The following AOPEP variants were observed in gnomAD, a reference collection of about 807,000 sequenced individuals.
AOPEP encodes the protein aminopeptidase O.
In AOPEP, 77 loss-of-function variants were observed where a neutral mutation model predicts 98.1. That is an observed-to-expected ratio of 0.78 (90% CI 0.65 to 0.95). The LOEUF (loss-of-function observed/expected upper bound fraction) is 0.95. Among genes scored for constraint, AOPEP ranks in the 40% least tolerant of loss-of-function variants. The pLI, the probability that AOPEP is intolerant of heterozygous loss-of-function variation, is 0.00. For synonymous variants in AOPEP, 346 were observed against 365.3 expected, an observed-to-expected ratio of 0.95 and a Z score of 0.60; for missense variants, 1,024 against 1,024.7, an observed-to-expected ratio of 1.00 and a Z score of 0.01.
chr9:95,082,503 C>G, intron 15 of AOPEP, 72 bp from the exon 16 acceptor site: 2 of 1,523,702 alleles, frequency 1.3e-6, no homozygotes, highest in Non-Finnish European at 1.8e-6. Flanking sequence ...CAAGCACAGA[C>G]TGAGCTCATG....
intron 1 of AOPEP, among the ~76,000 whole-genome samples, chr9:94,743,909 C>G (rs929796610): frequency 3.3e-5 from 5 of 152,128 alleles, no homozygotes; most frequent in African/African-American, 1.2e-4. Flanking sequence ...CAGAGTTAAG[C>G]GAGCAGGGAC....
intron 1 of AOPEP, among the ~76,000 whole-genome samples, chr9:94,747,720 A>T (rs1353467294): frequency 6.6e-6 from 1 of 152,232 alleles, no homozygotes; most frequent in African/African-American, 2.4e-5. Flanking sequence ...TAAGGGTACC[A>T]GGAACAATTT....
At chr9:95,123,377 C>T in the AOPEP span, 7 of 411,058 alleles carry the variant, frequency 1.7e-5, no homozygotes, top group South Asian at 1.3e-4. Flanking sequence ...TGGTGGCTCA[C>T]ACCTGTAACC....
the AOPEP span, among the ~76,000 whole-genome samples, chr9:95,116,373 G>GTGT: frequency 6.6e-6 from 1 of 152,236 alleles, no homozygotes; most frequent in South Asian, 2.1e-4. Flanking sequence ...TGAGAAGACA[G>GTGT]TGTTAGGGGA....
At chr9:94,883,924 G>A (rs1377761763) in intron 5 of AOPEP, among the ~76,000 whole-genome samples, 1 of 152,136 alleles carries the variant, frequency 6.6e-6, no homozygotes, top group Non-Finnish European at 1.5e-5. Flanking sequence ...CTCCATCCCC[G>A]TCAATATTCT....
intron 4 of AOPEP, among the ~76,000 whole-genome samples, chr9:94,799,401 C>T (rs1432021030): frequency 6.8e-6 from 1 of 146,090 alleles, no homozygotes; most frequent in Admixed American, 6.9e-5. Context: ...GACCCCATCT[C>T]TTAAAAAAAA....
chr9:95,128,382 G>C, the AOPEP span, among the ~76,000 whole-genome samples: 1 of 152,232 alleles, frequency 6.6e-6, no homozygotes, highest in Non-Finnish European at 1.5e-5. Flanking sequence ...AGACAGATAA[G>C]AGCTTGGAAA....
At chr9:94,780,909 A>C (rs1053838288) in intron 3 of AOPEP, among the ~76,000 whole-genome samples, 2 of 152,234 alleles carry the variant, frequency 1.3e-5, no homozygotes, top group African/African-American at 4.8e-5. Flanking sequence ...ACCTGGGAGC[A>C]GATAACAGCA....
chr9:94,749,701 G>T (rs966765216), intron 1 of AOPEP, among the ~76,000 whole-genome samples: 1 of 152,030 alleles, frequency 6.6e-6, no homozygotes, highest in African/African-American at 2.4e-5. Flanking sequence ...TTCAGTTCTA[G>T]AATTTTCTTT....
the AOPEP span, chr9:95,111,759 C>T: frequency 9.2e-7 from 1 of 1,086,626 alleles, no homozygotes; most frequent in Non-Finnish European, 1.4e-6. Flanking sequence ...TGAAGTGCAA[C>T]CTGCAAGGAA....
At chr9:95,003,956 A>G (rs1163643199) in intron 11 of AOPEP, 5 of 207,262 alleles carry the variant, frequency 2.4e-5, no homozygotes, top group Non-Finnish European at 5.0e-5. Context: ...GAAGGGATAA[A>G]TTCCTGATGT....
At chr9:94,762,306 G>T (rs1838512600) in intron 2 of AOPEP, among the ~76,000 whole-genome samples, 1 of 152,140 alleles carries the variant, frequency 6.6e-6, no homozygotes. Flanking sequence ...AATTAGCTGG[G>T]CATGGTGGTG....
chr9:95,052,593 A>G (rs1465727337), intron 13 of AOPEP, among the ~76,000 whole-genome samples: 1 of 152,212 alleles, frequency 6.6e-6, no homozygotes, highest in African/African-American at 2.4e-5. Context: ...AGGGCTGTAT[A>G]AAAAACATTT....
At chr9:95,128,628 G>C in the AOPEP span, among the ~76,000 whole-genome samples, 3 of 152,224 alleles carry the variant, frequency 2.0e-5, no homozygotes, top group African/African-American at 7.2e-5. Context: ...TGTTAGAAGA[G>C]AGTGAGAGCT....
At chr9:95,145,964 CTTTA>C in the AOPEP span, among the ~76,000 whole-genome samples, 2 of 110,162 alleles carry the variant, frequency 1.8e-5, no homozygotes, top group South Asian at 2.8e-4. Flanking sequence ...AACTCTGATT[CTTTA>C]TTTTTTTTTA....
At chr9:95,066,738 T>A (rs960954737) in intron 14 of AOPEP, among the ~76,000 whole-genome samples, 7 of 152,134 alleles carry the variant, frequency 4.6e-5, no homozygotes, top group African/African-American at 1.7e-4. Context: ...AGATGGAGAT[T>A]TACACATTCT....
intron 5 of AOPEP, among the ~76,000 whole-genome samples, chr9:94,847,674 C>T (rs997553050): frequency 2.0e-5 from 3 of 152,032 alleles, no homozygotes; most frequent in Non-Finnish European, 4.4e-5. Flanking sequence ...TTTAGGCCTT[C>T]GTGTGCAGTA....
chr9:94,957,744 C>T (rs538778781), intron 9 of AOPEP, among the ~76,000 whole-genome samples: 50 of 151,870 alleles, frequency 3.3e-4, no homozygotes, highest in South Asian at 1.0e-3. Flanking sequence ...ACCACTAATC[C>T]GCTTTCTGTC....
At chr9:94,955,819 A>G (rs1448012863) in intron 8 of AOPEP, 89 bp from the exon 9 acceptor site, 1 of 807,630 alleles carries the variant, frequency 1.2e-6, no homozygotes, top group Non-Finnish European at 2.0e-6. Context: ...GCACAAGTGC[A>G]CTATGGGTTA....
Sources: gnomAD v4.1 joint callset for allele counts (sites outside exome capture counted in the v4.1 genomes callset) on GRCh38, gnomAD v4.1.1 for gene constraint, MANE v1.5 for transcripts, NCBI Gene and HGNC (gene_info 2026-07-23, HGNC 2026-07-21) for gene names.